GRID2: variants seen among roughly 807,000 people sequenced by gnomAD.
The protein encoded by GRID2 is glutamate ionotropic receptor delta type subunit 2, also known as glutamate receptor ionotropic, delta-2.
In GRID2, 33 loss-of-function variants were observed where a neutral mutation model predicts 114.8. The observed-to-expected ratio is 0.29, with a 90% confidence interval of 0.22 to 0.38. The LOEUF is 0.38. Among genes scored for constraint, GRID2 ranks in the 10% least tolerant of loss-of-function variants. The pLI, the probability that GRID2 is intolerant of heterozygous loss-of-function variation, is 1.00. For missense variants in GRID2, 1,184 were observed against 1,257.7 expected (o/e 0.94, Z 0.89); for synonymous variants, 505 against 449.9 (o/e 1.12, Z -1.55).
At chr4:93,440,233 G>T (rs1257171959) in intron 10 of GRID2, among the ~76,000 whole-genome samples, 3 of 152,046 alleles carry the variant, frequency 2.0e-5, no homozygotes, top group African/African-American at 7.2e-5. Flanking sequence ...TATGGGCCAA[G>T]AAAACTTTGC....
chr4:93,332,692 CATAGGA>C (rs1758624721), intron 8 of GRID2, among the ~76,000 whole-genome samples: 1 of 152,002 alleles, frequency 6.6e-6, no homozygotes, highest in Admixed American at 6.6e-5. Context: ...AGTTAAGAGG[CATAGGA>C]ATATGTTCTT....
chr4:93,654,892 A>T (rs1350146021), intron 14 of GRID2, among the ~76,000 whole-genome samples: 1 of 152,140 alleles, frequency 6.6e-6, no homozygotes, highest in Non-Finnish European at 1.5e-5. Flanking sequence ...TTTAGCATGA[A>T]ATCTCCTACT....
chr4:93,183,533 C>A (rs1404664882), intron 4 of GRID2, among the ~76,000 whole-genome samples: 1 of 152,122 alleles, frequency 6.6e-6, no homozygotes, highest in Non-Finnish European at 1.5e-5. Context: ...TTCATGGCAC[C>A]CAACTGATAC....
chr4:92,463,144 G>A (rs1303890935), intron 1 of GRID2, among the ~76,000 whole-genome samples: 1 of 151,826 alleles, frequency 6.6e-6, no homozygotes, highest in African/African-American at 2.4e-5. Flanking sequence ...CCTAAAATAT[G>A]TAACTAGTTA....
At chr4:92,825,606 C>G (rs1041823701) in intron 2 of GRID2, among the ~76,000 whole-genome samples, 1 of 152,132 alleles carries the variant, frequency 6.6e-6, no homozygotes, top group Admixed American at 6.6e-5. Flanking sequence ...CAGTCTTGGT[C>G]ATACTGTTCC....
chr4:92,959,816 G>T (rs1322612147), intron 2 of GRID2, among the ~76,000 whole-genome samples: 3 of 151,944 alleles, frequency 2.0e-5, no homozygotes, highest in Admixed American at 6.6e-5. Context: ...AGAACACATG[G>T]ACACAGGGAG....
At chr4:93,699,370 T>C in intron 14 of GRID2, among the ~76,000 whole-genome samples, 1 of 152,094 alleles carries the variant, frequency 6.6e-6, no homozygotes, top group Non-Finnish European at 1.5e-5. Context: ...AATTAAGGTA[T>C]TTACTCTCTT....
At chr4:93,309,507 C>T (rs1755781573) in intron 8 of GRID2, among the ~76,000 whole-genome samples, 1 of 151,874 alleles carries the variant, frequency 6.6e-6, no homozygotes, top group African/African-American at 2.4e-5. Context: ...CACTGCACTC[C>T]AGCCTTGGTG....
chr4:93,363,094 T>C (rs556390775), intron 8 of GRID2, among the ~76,000 whole-genome samples: 1 of 152,060 alleles, frequency 6.6e-6, no homozygotes, highest in Non-Finnish European at 1.5e-5. Context: ...GTGGTGCATG[T>C]CTGTAATCTC....
chr4:93,248,762 G>A (rs190396532), intron 8 of GRID2, among the ~76,000 whole-genome samples: 20 of 152,256 alleles, frequency 1.3e-4, no homozygotes, highest in Admixed American at 7.9e-4. Flanking sequence ...TCAAACTAAT[G>A]AATATTATGT....
At chr4:92,765,351 T>A (rs549911246) in intron 2 of GRID2, among the ~76,000 whole-genome samples, 35 of 152,294 alleles carry the variant, frequency 2.3e-4, no homozygotes, top group South Asian at 1.0e-3. Context: ...CTATTTTTCA[T>A]TAAAAATCGA....
intron 1 of GRID2, among the ~76,000 whole-genome samples, chr4:92,563,280 A>T (rs1287758848): frequency 6.6e-6 from 1 of 152,150 alleles, no homozygotes; most frequent in South Asian, 2.1e-4. Context: ...TGAGTTCTCT[A>T]TGTCCTCAAC....
chr4:93,376,629 C>A (rs1426442757), intron 8 of GRID2, among the ~76,000 whole-genome samples: 3 of 152,172 alleles, frequency 2.0e-5, no homozygotes, highest in African/African-American at 7.2e-5. Flanking sequence ...ACTATTCTAA[C>A]TGTGCAGCTA....
At chr4:93,245,257 A>T (rs556976207) in intron 8 of GRID2, among the ~76,000 whole-genome samples, 8 of 152,104 alleles carry the variant, frequency 5.3e-5, no homozygotes, top group Non-Finnish European at 7.4e-5. Flanking sequence ...GTGCATACTG[A>T]TGTAAGAATC....
At chr4:93,115,717 A>G (rs1733179845) in intron 4 of GRID2, among the ~76,000 whole-genome samples, 1 of 152,112 alleles carries the variant, frequency 6.6e-6, no homozygotes, top group African/African-American at 2.4e-5. Context: ...TATGTCTTAC[A>G]TGGTGGCAGG....
At chr4:93,280,005 G>C (rs1330180247) in intron 8 of GRID2, among the ~76,000 whole-genome samples, 1 of 151,946 alleles carries the variant, frequency 6.6e-6, no homozygotes, top group Non-Finnish European at 1.5e-5. Flanking sequence ...GGATCGCTTA[G>C]AGAAGCACTA....
At chr4:92,456,377 A>G (rs186431559) in intron 1 of GRID2, among the ~76,000 whole-genome samples, 2 of 152,188 alleles carry the variant, frequency 1.3e-5, no homozygotes, top group Admixed American at 6.5e-5. Flanking sequence ...TTCTGCACGG[A>G]AAAAAATATT....
intron 4 of GRID2, among the ~76,000 whole-genome samples, chr4:93,123,298 A>G (rs141657588): frequency 1.3e-5 from 2 of 152,248 alleles, no homozygotes; most frequent in Admixed American, 1.3e-4. Context: ...TTCCATTTGA[A>G]TTATTATCCA....
At chr4:92,778,436 A>G (rs1738910908) in intron 2 of GRID2, among the ~76,000 whole-genome samples, 1 of 152,036 alleles carries the variant, frequency 6.6e-6, no homozygotes, top group African/African-American at 2.4e-5. Flanking sequence ...ATTTTGCCCC[A>G]TTGATAAAAA....
Sources: gnomAD v4.1 joint callset for allele counts (sites outside exome capture counted in the v4.1 genomes callset) on GRCh38, gnomAD v4.1.1 for gene constraint, MANE v1.5 for transcripts, NCBI Gene and HGNC (gene_info 2026-07-23, HGNC 2026-07-21) for gene names.